Variants in GRM1 observed in about 807,000 individuals in gnomAD.
GRM1 encodes glutamate metabotropic receptor 1.
GRM1 carries 33 observed loss-of-function variants against 90.9 expected under a neutral mutation model. The ratio of observed to expected loss-of-function variants is 0.36; its 90% CI spans 0.28 to 0.49. GRM1 has a LOEUF of 0.49. GRM1 is among the 20% of genes least tolerant of loss of function. The pLI, the probability that GRM1 is intolerant of heterozygous loss-of-function variation, is 0.99. For synonymous variants in GRM1, 700 were observed against 613.2 expected (o/e 1.14, Z -2.09); for missense variants, 1,190 against 1,534.3 (o/e 0.78, Z 3.75).
Position 146,398,960 on chromosome 6 carries a change from G to A in GRM1, c.1921G>A (p.Gly641Ser). The change falls in exon 7 of 8, where the codon GGT becomes AGT. Residue 641 changes from glycine (G) to serine (S), a missense_variant. Physicochemically the swap from Gly to Ser is moderately conservative, Grantham distance 56. This residue lies in a region of GRM1 where 414 missense variants were observed against 598.4 expected (regional missense o/e 0.69). Coordinates refer to ENST00000282753, the MANE Select transcript of GRM1 (RefSeq NM_001278064.2). ...CATCATCCTAGCTGGCATCTTCCTT[G>A]GTTATGTGTGCCCATTCACTCTCAT... ...CYIILAGIFLGYVCPFTLIAK... is the reference protein window; with the variant it reads ...CYIILAGIFLSYVCPFTLIAK... 6.2e-7 allele frequency: 1 copy of A among 1,614,014 alleles called. No individual in the cohort carries two copies. The highest frequency in any genetic ancestry group is 8.5e-7 in the Non-Finnish European group (1 of 1,179,980).
At chr6:146,257,293 C>T (rs1260225089) in intron 2 of GRM1, among the ~76,000 whole-genome samples, 2 of 152,088 alleles carry the variant, frequency 1.3e-5, no homozygotes. Context: ...ACAGGAAATA[C>T]AGCCTCTTGT....
chr6:146,154,137 T>A (rs938920035), intron 1 of GRM1, among the ~76,000 whole-genome samples: 1 of 152,242 alleles, frequency 6.6e-6, no homozygotes, highest in African/African-American at 2.4e-5. Flanking sequence ...AGAGCATTCT[T>A]GTTCGTTTAA....
At chr6:146,209,717 T>A (rs1779617254) in intron 2 of GRM1, among the ~76,000 whole-genome samples, 1 of 152,186 alleles carries the variant, frequency 6.6e-6, no homozygotes, top group Non-Finnish European at 1.5e-5. Context: ...TAATTAGGAT[T>A]TTGTACATTT....
intron 2 of GRM1, among the ~76,000 whole-genome samples, chr6:146,185,672 T>G (rs1207918764): frequency 6.6e-6 from 1 of 152,194 alleles, no homozygotes; most frequent in Non-Finnish European, 1.5e-5. Flanking sequence ...GGGAGTAAAA[T>G]TCTCTGAAAA....
chr6:146,283,806 C>T (rs1782666282), intron 2 of GRM1, among the ~76,000 whole-genome samples: 1 of 152,110 alleles, frequency 6.6e-6, no homozygotes, highest in Non-Finnish European at 1.5e-5. Flanking sequence ...TGAAATTTCA[C>T]CTTTACAGGC....
intron 7 of GRM1, among the ~76,000 whole-genome samples, chr6:146,423,763 CT>C (rs2114667111): frequency 6.6e-6 from 1 of 152,264 alleles, no homozygotes; most frequent in South Asian, 2.1e-4. Flanking sequence ...CCCCCCGCCC[CT>C]TGTTTTTATC....
intron 3 of GRM1, among the ~76,000 whole-genome samples, chr6:146,333,449 T>C (rs1024921414): frequency 2.0e-5 from 3 of 152,218 alleles, no homozygotes; most frequent in African/African-American, 7.2e-5. Context: ...AAAATCCTTG[T>C]TCTTCAGGCT....
chr6:146,263,757 A>T (rs1438739246), intron 2 of GRM1, among the ~76,000 whole-genome samples: 2 of 152,106 alleles, frequency 1.3e-5, no homozygotes, highest in Non-Finnish European at 2.9e-5. Context: ...AATCTATTAT[A>T]CAAATCTAAG....
At chr6:146,058,934 T>C (rs1251810834) in intron 1 of GRM1, among the ~76,000 whole-genome samples, 1 of 152,136 alleles carries the variant, frequency 6.6e-6, no homozygotes, top group East Asian at 1.9e-4. Context: ...TAATTCTAGT[T>C]CTTTTATTGT....
Position 146,304,995 on chromosome 6 carries a change from G to A in GRM1, c.1186+149G>A, listed in dbSNP as rs576563382. ...GTTTATAAAATGCTAGAATAAGGAG[G>A]AATTGTGTATTACCCCAGGGATTCA... is the stretch of plus-strand genomic sequence containing the variant. On this transcript the variant is annotated intron_variant, in intron 3 of 7. Coordinates refer to ENST00000282753, the MANE Select transcript of GRM1 (RefSeq NM_001278064.2). 1,056 of 700,472 alleles carry A rather than the reference G, an allele frequency of 1.5e-3. 3 individuals carry two copies. The highest frequency in any genetic ancestry group is 1.9e-3 in the Non-Finnish European group (760 of 393,108). The allele number at this position is 700,472 out of a possible 1,614,324, so 43.4% of individuals were successfully genotyped here.
intron 1 of GRM1, among the ~76,000 whole-genome samples, chr6:146,104,312 C>T (rs1009893395): frequency 2.0e-5 from 3 of 151,910 alleles, no homozygotes; most frequent in Non-Finnish European, 2.9e-5. Context: ...TGGTGGCGGG[C>T]GCCTGTAGTC....
intron 2 of GRM1, among the ~76,000 whole-genome samples, chr6:146,270,543 C>G (rs1332028939): frequency 6.6e-6 from 1 of 152,130 alleles, no homozygotes; most frequent in East Asian, 1.9e-4. Flanking sequence ...ATGAGTTGTG[C>G]TCTGGCCCCA....
At position 146,399,136 on chromosome 6, in the gene GRM1, G is replaced by T; in HGVS notation, c.2097G>T (p.Arg699Ser). The T allele has an allele frequency of 6.2e-7, 1 of 1,614,130 alleles. No homozygotes were observed. Among genetic ancestry groups the T allele is most frequent in the Non-Finnish European group, 8.5e-7 (1 of 1,180,004 alleles). Residue 699 changes from arginine (R) to serine (S), a missense_variant, in exon 7 of 8, where the codon AGG becomes AGT. Transcript: ENST00000282753. The surrounding 1 kb of genome is among the most constrained non-coding windows in gnomAD (Gnocchi z 5.4). ...AGAAGATCTGCACCCGGAAGCCCAG[G>T]TTCATGAGTGCCTGGGCTCAGGTGA... ...SKKKICTRKP[R>S]FMSAWAQVII...
intron 1 of GRM1, among the ~76,000 whole-genome samples, chr6:146,068,753 G>C (rs1389447446): frequency 6.6e-6 from 1 of 152,126 alleles, no homozygotes; most frequent in African/African-American, 2.4e-5. Context: ...TGAATGTCTT[G>C]AGGACAATTA....
intron 2 of GRM1, among the ~76,000 whole-genome samples, chr6:146,252,888 T>G (rs1781348517): frequency 6.6e-6 from 1 of 151,854 alleles, no homozygotes; most frequent in Non-Finnish European, 1.5e-5. Context: ...GATGAAACTC[T>G]GTCTCTACTA....
chr6:146,367,250 C>A (rs1775725573), intron 5 of GRM1, among the ~76,000 whole-genome samples: 1 of 152,074 alleles, frequency 6.6e-6, no homozygotes, highest in South Asian at 2.1e-4. Context: ...TCGTCTGTTC[C>A]ACTGGCCTAT....
chr6:146,096,922 T>G (rs1370522772), intron 1 of GRM1, among the ~76,000 whole-genome samples: 1 of 152,314 alleles, frequency 6.6e-6, no homozygotes, highest in Non-Finnish European at 1.5e-5. Flanking sequence ...TCTGTGAATT[T>G]ACTTTTTTTT....
chr6:146,055,375 C>A (rs1775448923), intron 1 of GRM1, among the ~76,000 whole-genome samples: 1 of 151,968 alleles, frequency 6.6e-6, no homozygotes, highest in Non-Finnish European at 1.5e-5. Flanking sequence ...AATAACTAAC[C>A]ACACCTTTTT....
chr6:146,246,197 G>T (rs1245864592), intron 2 of GRM1, among the ~76,000 whole-genome samples: 1 of 152,148 alleles, frequency 6.6e-6, no homozygotes, highest in Non-Finnish European at 1.5e-5. Context: ...GCAGGCATTT[G>T]GACAAATTTG....
Sources: allele counts gnomAD v4.1 joint callset (sites outside exome capture counted in the v4.1 genomes callset), GRCh38; gene constraint gnomAD v4.1.1; regional missense constraint gnomAD v4.1.1; non-coding constraint Gnocchi (gnomAD v3.1); transcripts MANE v1.5; gene names NCBI Gene and HGNC (gene_info 2026-07-23, HGNC 2026-07-21).